Variants in ASIC2 observed in about 807,000 individuals in gnomAD.
ASIC2 encodes acid-sensing ion channel 2.
Under a neutral mutation model 57.3 loss-of-function variants are expected in ASIC2, and 25 were observed. The observed-to-expected ratio is 0.44, with a 90% CI of 0.32 to 0.61. The LOEUF is 0.61. ASIC2 is among the 20% of genes least tolerant of loss of function. The pLI, the probability that ASIC2 is intolerant of heterozygous loss-of-function variation, is 0.06. For synonymous variants in ASIC2, 319 were observed against 307.5 expected, an observed-to-expected ratio of 1.04 and a Z score of -0.39; for missense variants, 641 against 738.1, an observed-to-expected ratio of 0.87 and a Z score of 1.52.
At chr17:33,389,333 C>T (rs1380527210) in intron 1 of ASIC2, among the ~76,000 whole-genome samples, 1 of 152,128 alleles carries the variant, frequency 6.6e-6, no homozygotes, top group Non-Finnish European at 1.5e-5. Context: ...TTGACTGCAA[C>T]CAGTCACCTG....
chr17:33,191,473 C>T (rs1015753635), intron 1 of ASIC2, among the ~76,000 whole-genome samples: 1 of 151,746 alleles, frequency 6.6e-6, no homozygotes, highest in East Asian at 1.9e-4. Flanking sequence ...TAAATATGTG[C>T]ATATCATTGT....
At chr17:33,752,748 G>C (rs1345622240) in intron 1 of ASIC2, among the ~76,000 whole-genome samples, 1 of 152,186 alleles carries the variant, frequency 6.6e-6, no homozygotes, top group East Asian at 1.9e-4. Context: ...ACAAGAGTGA[G>C]ATGCCACATA....
chr17:33,359,957 C>G (rs1908533510), intron 1 of ASIC2, among the ~76,000 whole-genome samples: 1 of 152,094 alleles, frequency 6.6e-6, no homozygotes, highest in Non-Finnish European at 1.5e-5. Flanking sequence ...ATAAAAATAA[C>G]TTTTTATCTT....
At chr17:33,050,815 T>C (rs978532773) in intron 3 of ASIC2, among the ~76,000 whole-genome samples, 2 of 152,016 alleles carry the variant, frequency 1.3e-5, no homozygotes, top group African/African-American at 4.8e-5. Context: ...GGAAACACCA[T>C]GAGAAAGTGT....
intron 1 of ASIC2, among the ~76,000 whole-genome samples, chr17:34,007,622 C>T (rs940977099): frequency 8.5e-5 from 13 of 152,314 alleles, no homozygotes; most frequent in Non-Finnish European, 1.3e-4. Flanking sequence ...ATGGCAGAGC[C>T]AGAATGAGGT....
At chr17:33,024,051 G>A (rs2091849677) in intron 5 of ASIC2, 37 bp from the exon 6 acceptor site, 1 of 1,612,170 alleles carries the variant, frequency 6.2e-7, no homozygotes, top group South Asian at 1.1e-5. Flanking sequence ...AGTCAGGTGT[G>A]GGCACTGGGA....
At chr17:33,525,410 T>G (rs1012234212) in intron 1 of ASIC2, among the ~76,000 whole-genome samples, 1 of 152,192 alleles carries the variant, frequency 6.6e-6, no homozygotes, top group Admixed American at 6.5e-5. Flanking sequence ...CTTCTCTGCC[T>G]CCTGGCCAGA....
chr17:33,667,881 C>T (rs563673139), intron 1 of ASIC2, among the ~76,000 whole-genome samples: 24 of 152,284 alleles, frequency 1.6e-4, no homozygotes, highest in African/African-American at 5.8e-4. Flanking sequence ...AGCACAGCTG[C>T]TTAAGGAAAC....
chr17:33,457,183 A>C (rs1476225295), intron 1 of ASIC2, among the ~76,000 whole-genome samples: 4 of 151,968 alleles, frequency 2.6e-5, no homozygotes, highest in Non-Finnish European at 1.5e-5. Context: ...AATGTTAGCT[A>C]TTTTTAGGTG....
intron 1 of ASIC2, among the ~76,000 whole-genome samples, chr17:33,472,223 T>A (rs535202128): frequency 6.6e-6 from 1 of 152,230 alleles, no homozygotes; most frequent in African/African-American, 2.4e-5. Flanking sequence ...TTTCATCATG[T>A]TGGCCAGTCT....
intron 1 of ASIC2, among the ~76,000 whole-genome samples, chr17:33,637,703 C>A (rs1906416232): frequency 6.6e-6 from 1 of 152,198 alleles, no homozygotes; most frequent in South Asian, 2.1e-4. Flanking sequence ...CAAACCACAT[C>A]CTTGTCAACA....
At chr17:33,748,605 C>G (rs1910335000) in intron 1 of ASIC2, among the ~76,000 whole-genome samples, 1 of 152,142 alleles carries the variant, frequency 6.6e-6, no homozygotes, top group Non-Finnish European at 1.5e-5. Context: ...CTCCTGGTCT[C>G]TGCCTCCCTG....
chr17:34,136,823 C>T (rs1912138573), intron 1 of ASIC2, among the ~76,000 whole-genome samples: 1 of 152,174 alleles, frequency 6.6e-6, no homozygotes, highest in South Asian at 2.1e-4. Flanking sequence ...TTCATCAGCA[C>T]AGACAATACT....
intron 1 of ASIC2, among the ~76,000 whole-genome samples, chr17:33,414,361 G>A (rs997485885): frequency 3.9e-5 from 6 of 152,210 alleles, no homozygotes; most frequent in Non-Finnish European, 5.9e-5. Flanking sequence ...GTGGAACGAG[G>A]AAGGGGATGT....
chr17:33,746,752 A>T (rs1206245105), intron 1 of ASIC2, among the ~76,000 whole-genome samples: 1 of 152,126 alleles, frequency 6.6e-6, no homozygotes, highest in African/African-American at 2.4e-5. Context: ...CGAGTACTCA[A>T]TTACAGCAGA....
At chr17:33,510,437 G>T (rs1015650180) in intron 1 of ASIC2, among the ~76,000 whole-genome samples, 54 of 152,098 alleles carry the variant, frequency 3.6e-4, no homozygotes, top group Admixed American at 9.2e-4. Context: ...AGGATGGCTT[G>T]AGAATAGGAG....
chr17:33,392,700 G>T (rs1909945259), intron 1 of ASIC2, among the ~76,000 whole-genome samples: 1 of 152,142 alleles, frequency 6.6e-6, no homozygotes, highest in African/African-American at 2.4e-5. Flanking sequence ...TGCCTCACTG[G>T]CTAGGTCTTG....
At chr17:33,187,471 C>T (rs1906241447) in intron 1 of ASIC2, among the ~76,000 whole-genome samples, 1 of 151,808 alleles carries the variant, frequency 6.6e-6, no homozygotes, top group Admixed American at 6.6e-5. Flanking sequence ...TTCTCATTGG[C>T]AAAAAAATGT....
chr17:33,662,864 C>T (rs1567682735), intron 1 of ASIC2, among the ~76,000 whole-genome samples: 1 of 151,880 alleles, frequency 6.6e-6, no homozygotes, highest in African/African-American at 2.4e-5. Flanking sequence ...CTTAAGGTCA[C>T]GTACCAGCAA....
Sources: gnomAD v4.1 joint callset for allele counts (sites outside exome capture counted in the v4.1 genomes callset) on GRCh38, gnomAD v4.1.1 for gene constraint, MANE v1.5 for transcripts, NCBI Gene and HGNC (gene_info 2026-07-23, HGNC 2026-07-21) for gene names.